MDGA2: variants seen among roughly 807,000 people sequenced by gnomAD.
The protein encoded by MDGA2 is MAM domain-containing glycosylphosphatidylinositol anchor protein 2.
MDGA2 carries 40 observed loss-of-function variants against 117.8 expected under a neutral mutation model. The ratio of observed to expected loss-of-function variants is 0.34; its 90% confidence interval spans 0.26 to 0.44. The LOEUF (loss-of-function observed/expected upper bound fraction) is 0.44, where lower values mean the gene tolerates loss of function less well. MDGA2 is among the 20% of genes least tolerant of loss of function. The pLI is 1.00. For synonymous variants in MDGA2, 452 were observed against 439.0 expected (o/e 1.03, Z -0.37); for missense variants, 1,123 against 1,250.6 (o/e 0.90, Z 1.54).
At chr14:47,313,517 A>T (rs1442025893) in intron 1 of MDGA2, among the ~76,000 whole-genome samples, 1 of 152,022 alleles carries the variant, frequency 6.6e-6, no homozygotes, top group African/African-American at 2.4e-5. Context: ...GGCTGGTCTC[A>T]AACACTTGGG....
intron 1 of MDGA2, among the ~76,000 whole-genome samples, chr14:47,664,276 T>C (rs1473588378): frequency 6.6e-6 from 1 of 152,204 alleles, no homozygotes; most frequent in African/African-American, 2.4e-5. Context: ...AACCAGAATA[T>C]TTTTTCCAGA....
intron 12 of MDGA2, among the ~76,000 whole-genome samples, chr14:46,876,471 T>A (rs1038811118): frequency 5.3e-5 from 8 of 151,702 alleles, no homozygotes; most frequent in Middle Eastern, 3.4e-3. Context: ...GTAATAAGTA[T>A]AAATAAGTAA....
intron 2 of MDGA2, among the ~76,000 whole-genome samples, chr14:47,237,665 T>C (rs1250789242): frequency 1.3e-5 from 2 of 152,188 alleles, no homozygotes; most frequent in Non-Finnish European, 2.9e-5. Context: ...TCCATATCCA[T>C]GTATATGGCA....
At chr14:47,216,654 T>C (rs987886732) in intron 3 of MDGA2, among the ~76,000 whole-genome samples, 1 of 152,110 alleles carries the variant, frequency 6.6e-6, no homozygotes, top group African/African-American at 2.4e-5. Context: ...TAAAATTTCA[T>C]GACCTAAACT....
chr14:47,652,528 T>C (rs1897663903), intron 1 of MDGA2, among the ~76,000 whole-genome samples: 1 of 152,196 alleles, frequency 6.6e-6, no homozygotes, highest in Admixed American at 6.6e-5. Flanking sequence ...TTGTTCAAGT[T>C]ATAATTGTTA....
chr14:47,224,560 G>T (rs1886415176), intron 2 of MDGA2, among the ~76,000 whole-genome samples: 1 of 152,232 alleles, frequency 6.6e-6, no homozygotes. Flanking sequence ...CCTTTCTATT[G>T]TTTGCCAAGG....
chr14:47,568,995 G>C (rs150312802), intron 1 of MDGA2, among the ~76,000 whole-genome samples: 2 of 151,272 alleles, frequency 1.3e-5, no homozygotes, highest in Non-Finnish European at 2.9e-5. Context: ...GCCCAGGCTG[G>C]TTTTGAACTT....
chr14:47,453,675 A>G (rs993225315), intron 1 of MDGA2, among the ~76,000 whole-genome samples: 2 of 152,210 alleles, frequency 1.3e-5, no homozygotes, highest in Non-Finnish European at 2.9e-5. Context: ...CCAAAAAAGT[A>G]AAGATCTTAT....
At chr14:47,520,651 A>T (rs1408842266) in intron 1 of MDGA2, among the ~76,000 whole-genome samples, 1 of 152,216 alleles carries the variant, frequency 6.6e-6, no homozygotes. Context: ...TAACAATTCC[A>T]TTAAAATAAA....
intron 10 of MDGA2, among the ~76,000 whole-genome samples, chr14:46,898,713 A>G (rs909620148): frequency 6.6e-6 from 1 of 152,120 alleles, no homozygotes; most frequent in Non-Finnish European, 1.5e-5. Flanking sequence ...TAGGAAAATA[A>G]GAGATTTATT....
Position 47,335,745 on chromosome 14 carries a change from T to TATATATATATATAC in MDGA2, c.281-34196_281-34195insGTATATATATATAT. Among the ~76,000 whole-genome samples, 49 of 95,574 alleles carry TATATATATATATAC rather than the reference T, an allele frequency of 5.1e-4. 2 individuals are homozygous for TATATATATATATAC. The highest frequency in any genetic ancestry group is 4.3e-4 in the Non-Finnish European group (20 of 46,000). The allele number at this position is 95,574 out of a possible 152,430, so 62.7% of individuals were successfully genotyped here. On this transcript the variant is annotated intron_variant, in intron 1 of 16. Transcript: ENST00000399232. ...TGCACACATATATTTTATATATATA[T>TATATATATATATAC]ATACATACATACATACAGGATCACT...
At chr14:47,004,102 A>G (rs926180786) in intron 8 of MDGA2, among the ~76,000 whole-genome samples, 3 of 151,936 alleles carry the variant, frequency 2.0e-5, no homozygotes, top group African/African-American at 7.2e-5. Flanking sequence ...TCAGAACTGC[A>G]TAATGAAACA....
intron 1 of MDGA2, among the ~76,000 whole-genome samples, chr14:47,344,429 G>C (rs1318750556): frequency 6.6e-6 from 1 of 152,046 alleles, no homozygotes; most frequent in Non-Finnish European, 1.5e-5. Context: ...TTAAACACTA[G>C]TTTGCTGTCC....
At position 47,252,492 on chromosome 14, in the gene MDGA2, A is replaced by G. The variant is rs550270015; in HGVS notation, c.421-34297T>C. 2.2e-4 allele frequency among the ~76,000 whole-genome samples: 34 copies of G among 152,278 alleles called. No homozygotes were observed. The South Asian group carries it at 6.6e-3, about 30-fold the overall frequency. ...GCTATTCCATTTTTCATAATCTAGT[A>G]AGCTCCTGATAGCAATAAAGGTTTA... On this transcript the variant is annotated intron_variant, in intron 2 of 16. Transcript: ENST00000399232.
At chr14:47,349,534 G>A (rs1272001920) in intron 1 of MDGA2, among the ~76,000 whole-genome samples, 1 of 152,126 alleles carries the variant, frequency 6.6e-6, no homozygotes, top group Non-Finnish European at 1.5e-5. Flanking sequence ...ACTTTTCAAA[G>A]CAACTATACT....
At chr14:47,282,540 AC>A (rs1888529532) in intron 2 of MDGA2, among the ~76,000 whole-genome samples, 2 of 151,874 alleles carry the variant, frequency 1.3e-5, no homozygotes, top group Admixed American at 1.3e-4. Context: ...ACACACACAC[AC>A]ACACAAATTA....
At chr14:47,100,246 T>C (rs983875909) in intron 5 of MDGA2, among the ~76,000 whole-genome samples, 1 of 152,154 alleles carries the variant, frequency 6.6e-6, no homozygotes, top group Non-Finnish European at 1.5e-5. Flanking sequence ...AAAGGTACTA[T>C]ATCTATGTTA....
At chr14:47,223,765 C>T (rs909623966) in intron 2 of MDGA2, among the ~76,000 whole-genome samples, 3 of 152,124 alleles carry the variant, frequency 2.0e-5, no homozygotes, top group African/African-American at 7.2e-5. Flanking sequence ...ATACCCAAGA[C>T]TAGGTAATTT....
intron 6 of MDGA2, among the ~76,000 whole-genome samples, chr14:47,079,803 C>T (rs1890639242): frequency 1.5e-5 from 2 of 132,736 alleles, no homozygotes; most frequent in African/African-American, 5.7e-5. Flanking sequence ...GCAATCTCGG[C>T]TCCCTGCAAG....
Sources: gnomAD v4.1 joint callset for allele counts (sites outside exome capture counted in the v4.1 genomes callset) on GRCh38, gnomAD v4.1.1 for gene constraint, MANE v1.5 for transcripts, NCBI Gene and HGNC (gene_info 2026-07-23, HGNC 2026-07-21) for gene names.